The following GRIK2 variants were observed in gnomAD, a reference collection of about 807,000 sequenced individuals.
GRIK2 encodes glutamate ionotropic receptor kainate type subunit 2, also known as glutamate receptor ionotropic, kainate 2.
In GRIK2, 32 loss-of-function variants were observed where a neutral mutation model predicts 100.3. That is an observed-to-expected ratio of 0.32 (90% CI 0.24 to 0.43). GRIK2 has a LOEUF of 0.43. Ranked by LOEUF, GRIK2 falls within the 20% of genes least tolerant of loss-of-function variation. The pLI, the probability that GRIK2 is intolerant of heterozygous loss-of-function variation, is 1.00. For synonymous variants in GRIK2, 417 were observed against 389.4 expected, an observed-to-expected ratio of 1.07 and a Z score of -0.83; for missense variants, 843 against 1,114.9, an observed-to-expected ratio of 0.76 and a Z score of 3.47.
intron 15 of GRIK2, among the ~76,000 whole-genome samples, chr6:102,051,810 AGACACATT>A (rs1256230686): frequency 3.3e-5 from 5 of 152,202 alleles, no homozygotes; most frequent in Non-Finnish European, 5.9e-5. Flanking sequence ...ATGTTCTAAT[AGACACATT>A]TATAATTTCC....
chr6:102,030,516 C>T (rs905731420), intron 14 of GRIK2, among the ~76,000 whole-genome samples: 6 of 151,028 alleles, frequency 4.0e-5, no homozygotes, highest in Non-Finnish European at 8.9e-5. Flanking sequence ...CCTCAATTAG[C>T]CCTTGCTAAA....
At chr6:101,739,437 AAG>A (rs1252874615) in intron 7 of GRIK2, among the ~76,000 whole-genome samples, 1 of 152,154 alleles carries the variant, frequency 6.6e-6, no homozygotes, top group Middle Eastern at 3.2e-3. Flanking sequence ...TGATAAATGA[AAG>A]AGCAGTGGAC....
chr6:101,892,372 T>C (rs962350068), intron 12 of GRIK2, among the ~76,000 whole-genome samples: 1 of 152,174 alleles, frequency 6.6e-6, no homozygotes, highest in African/African-American at 2.4e-5. Context: ...GGATATGCAC[T>C]TATCTAACTT....
chr6:101,777,460 C>T (rs1268331814), intron 7 of GRIK2, among the ~76,000 whole-genome samples: 1 of 152,136 alleles, frequency 6.6e-6, no homozygotes, highest in Non-Finnish European at 1.5e-5. Flanking sequence ...TCTGTATTAT[C>T]TAACTAAAGA....
chr6:101,874,641 T>C (rs942028130), intron 11 of GRIK2, among the ~76,000 whole-genome samples: 1 of 152,146 alleles, frequency 6.6e-6, no homozygotes, highest in Non-Finnish European at 1.5e-5. Flanking sequence ...AAGAAAGTCA[T>C]TGGTAGCTTG....
At chr6:101,565,193 A>G (rs1463682681) in intron 2 of GRIK2, among the ~76,000 whole-genome samples, 1 of 152,144 alleles carries the variant, frequency 6.6e-6, no homozygotes, top group Non-Finnish European at 1.5e-5. Context: ...AAAGAAGTAT[A>G]TATAGAGCTC....
At chr6:101,843,215 C>G (rs1191149916) in intron 10 of GRIK2, among the ~76,000 whole-genome samples, 1 of 152,088 alleles carries the variant, frequency 6.6e-6, no homozygotes, top group East Asian at 1.9e-4. Context: ...AATGGAATGC[C>G]ATTCTAAGCA....
intron 2 of GRIK2, among the ~76,000 whole-genome samples, chr6:101,546,614 A>C (rs1457791913): frequency 6.6e-6 from 1 of 152,066 alleles, no homozygotes; most frequent in Non-Finnish European, 1.5e-5. Flanking sequence ...ACCACACAAG[A>C]GTGTTGCATG....
intron 6 of GRIK2, among the ~76,000 whole-genome samples, chr6:101,683,843 C>T (rs1771473751): frequency 1.3e-5 from 2 of 152,136 alleles, no homozygotes; most frequent in South Asian, 4.1e-4. Context: ...CTTTTGTTGA[C>T]TCCTGTATCA....
chr6:101,482,078 C>T (rs990596219), intron 2 of GRIK2, among the ~76,000 whole-genome samples: 2 of 152,064 alleles, frequency 1.3e-5, no homozygotes, highest in South Asian at 2.1e-4. Context: ...TTAAATTAGC[C>T]GGTTTCTTTA....
At chr6:101,981,601 CGAT>C (rs1170672308) in intron 14 of GRIK2, among the ~76,000 whole-genome samples, 1 of 151,728 alleles carries the variant, frequency 6.6e-6, no homozygotes, top group Non-Finnish European at 1.5e-5. Context: ...GTTAGTACAA[CGAT>C]GACGCACTTT....
In GRIK2 at chr6:101,793,106, C is replaced by T. The variant is rs182937803; in HGVS notation, c.952-6542C>T. Among the ~76,000 whole-genome samples, 80 of 152,216 alleles carry T rather than the reference C, an allele frequency of 5.3e-4. 1 individual carries two copies. The East Asian group carries it at 0.012, about 24-fold the overall frequency. On this transcript the variant is annotated intron_variant, in intron 7 of 16. Coordinates refer to ENST00000369134, the MANE Select transcript of GRIK2 (RefSeq NM_021956.5). ...GTATTGTTTATTCTATTTATACATT[C>T]GTCTAAATTTTTTTCAAAGTTTTCA...
chr6:101,832,384 A>G (rs953503901), intron 10 of GRIK2, among the ~76,000 whole-genome samples: 3 of 152,188 alleles, frequency 2.0e-5, no homozygotes, highest in Admixed American at 1.3e-4. Flanking sequence ...ATTTTATGAA[A>G]TGTTCTTAAA....
chr6:101,660,341 T>C (rs1769520489), intron 4 of GRIK2, among the ~76,000 whole-genome samples: 1 of 152,214 alleles, frequency 6.6e-6, no homozygotes, highest in Admixed American at 6.5e-5. Flanking sequence ...TATGTTCTTT[T>C]CTAAACTGGT....
At chr6:101,930,146 A>G (rs1302039919) in intron 14 of GRIK2, among the ~76,000 whole-genome samples, 1 of 152,068 alleles carries the variant, frequency 6.6e-6, no homozygotes, top group African/African-American at 2.4e-5. Context: ...GGTTGAGACC[A>G]GCCTCCATAA....
rs1322810275 is a variant in GRIK2 at position 101,840,891 on chromosome 6, GAA to G, written c.1318-18394_1318-18393del. 3.9e-5 allele frequency among the ~76,000 whole-genome samples: 6 copies of G among 152,206 alleles called. No individual in the cohort carries two copies. In the East Asian group the frequency reaches 1.2e-3, roughly 29 times the overall value. ...CTACTTCATCAGAGGATTAATAAAA[GAA>G]AGAAATGCTTTCGCCATATAGTTGT... On this transcript the variant is annotated intron_variant, in intron 10 of 16. Coordinates refer to ENST00000369134, the MANE Select transcript of GRIK2 (RefSeq NM_021956.5).
chr6:101,740,337 T>A (rs1335971591), intron 7 of GRIK2, among the ~76,000 whole-genome samples: 3 of 152,160 alleles, frequency 2.0e-5, no homozygotes, highest in Admixed American at 2.0e-4. Context: ...CTAATTGAAG[T>A]AACATATAGG....
At chr6:101,838,695 A>G (rs1232403406) in intron 10 of GRIK2, among the ~76,000 whole-genome samples, 2 of 147,332 alleles carry the variant, frequency 1.4e-5, no homozygotes, top group Non-Finnish European at 3.0e-5. Context: ...CTTGTTGCCC[A>G]GGCTGGAGTG....
chr6:101,558,794 T>C (rs574741697), intron 2 of GRIK2, among the ~76,000 whole-genome samples: 3 of 152,196 alleles, frequency 2.0e-5, no homozygotes, highest in Non-Finnish European at 2.9e-5. Flanking sequence ...TCTTCAACCA[T>C]TATATTTTGC....
Sources: allele counts gnomAD v4.1 joint callset (sites outside exome capture counted in the v4.1 genomes callset), GRCh38; gene constraint gnomAD v4.1.1; transcripts MANE v1.5; gene names NCBI Gene and HGNC (gene_info 2026-07-23, HGNC 2026-07-21).